The following TENM4 variants were observed in gnomAD, a reference collection of about 807,000 sequenced individuals.
TENM4 encodes teneurin transmembrane protein 4.
A neutral mutation model predicts 243.3 loss-of-function variants in TENM4; 82 were observed. That is an observed-to-expected ratio of 0.34 (90% CI 0.28 to 0.40). TENM4 has a LOEUF of 0.40. Among genes scored for constraint, TENM4 ranks in the 10% least tolerant of loss-of-function variants. The pLI is 1.00. For synonymous variants in TENM4, 1,412 were observed against 1,456.3 expected, an observed-to-expected ratio of 0.97 and a Z score of 0.69; for missense variants, 3,138 against 3,673.3, an observed-to-expected ratio of 0.85 and a Z score of 3.77.
chr11:79,187,592 T>C (rs1263822340), intron 3 of TENM4, among the ~76,000 whole-genome samples: 2 of 152,180 alleles, frequency 1.3e-5, no homozygotes, highest in African/African-American at 2.4e-5. Flanking sequence ...TTTTACTCAA[T>C]TTGTTATGAG....
At chr11:79,379,161 A>G (rs932219455) in intron 1 of TENM4, among the ~76,000 whole-genome samples, 4 of 152,180 alleles carry the variant, frequency 2.6e-5, no homozygotes, top group African/African-American at 9.7e-5. Context: ...GTAGCAGCAT[A>G]TGCAAGGCCA....
At chr11:78,914,124 C>G (rs1591125013) in intron 6 of TENM4, among the ~76,000 whole-genome samples, 1 of 152,312 alleles carries the variant, frequency 6.6e-6, no homozygotes, top group Non-Finnish European at 1.5e-5. Flanking sequence ...AAGAACTATT[C>G]CCAGCCTTGC....
At chr11:79,077,008 G>A (rs1337067370) in intron 4 of TENM4, among the ~76,000 whole-genome samples, 1 of 152,158 alleles carries the variant, frequency 6.6e-6, no homozygotes, top group Non-Finnish European at 1.5e-5. Context: ...TGAAGAAAAT[G>A]TTTGAACCTC....
chr11:79,100,539 C>T (rs1442732107), intron 4 of TENM4, among the ~76,000 whole-genome samples: 2 of 152,138 alleles, frequency 1.3e-5, no homozygotes, highest in Non-Finnish European at 2.9e-5. Flanking sequence ...GGCCTGCCCT[C>T]GATGGTAAAT....
intron 6 of TENM4, among the ~76,000 whole-genome samples, chr11:79,049,691 A>G (rs1283676503): frequency 2.0e-5 from 3 of 152,166 alleles, no homozygotes; most frequent in African/African-American, 7.2e-5. Context: ...TATGTTAAAC[A>G]CCTTATTTCC....
intron 7 of TENM4, among the ~76,000 whole-genome samples, chr11:78,893,937 C>A (rs1855730602): frequency 6.6e-6 from 1 of 152,096 alleles, no homozygotes; most frequent in Non-Finnish European, 1.5e-5. Context: ...TGTGCTTTTT[C>A]CTAATGCATT....
intron 1 of TENM4, among the ~76,000 whole-genome samples, chr11:79,392,373 G>A (rs1035637786): frequency 5.3e-5 from 8 of 152,352 alleles, no homozygotes; most frequent in African/African-American, 1.7e-4. Flanking sequence ...TAGGAGATAC[G>A]CACGTTGTGA....
At chr11:79,367,507 C>T (rs1015473102) in intron 1 of TENM4, among the ~76,000 whole-genome samples, 1 of 152,178 alleles carries the variant, frequency 6.6e-6, no homozygotes, top group African/African-American at 2.4e-5. Context: ...ATCACACCTT[C>T]TCTGATGCAC....
At chr11:78,662,524 T>C (rs1858056564) in intron 32 of TENM4, among the ~76,000 whole-genome samples, 2 of 152,078 alleles carry the variant, frequency 1.3e-5, no homozygotes, top group African/African-American at 4.8e-5. Flanking sequence ...GGCTTGGGGA[T>C]CAAGTCCCAT....
chr11:78,763,904 A>T (rs1856485769), intron 18 of TENM4, among the ~76,000 whole-genome samples: 1 of 97,124 alleles, frequency 1.0e-5, no homozygotes, highest in Admixed American at 9.3e-5. Context: ...CTCCCTCTGG[A>T]GACAGGGGCT....
rs533180679 is a variant in TENM4, at chr11:78,973,519, T to C, written c.494-69996A>G. Among the ~76,000 whole-genome samples, 8 of 152,284 alleles carry C rather than the reference T, an allele frequency of 5.3e-5. No homozygotes were observed. The South Asian group carries it at 1.7e-3, about 32-fold the overall frequency. ...CAGATCCATTGCCCAATTTTTAACT[T>C]GATTTATCTTTTTATTACTAAAGTG... On this transcript the variant is annotated intron_variant, in intron 6 of 33. Coordinates refer to ENST00000278550, the MANE Select transcript of TENM4 (RefSeq NM_001098816.3).
chr11:78,949,684 GGGTGAATTCT>G (rs1260730820), intron 6 of TENM4, among the ~76,000 whole-genome samples: 2 of 152,200 alleles, frequency 1.3e-5, no homozygotes, highest in East Asian at 3.8e-4. Flanking sequence ...AGTAGGGAAA[GGGTGAATTCT>G]GGTAGGCCAT....
At chr11:79,027,739 A>G (rs1008930204) in intron 6 of TENM4, among the ~76,000 whole-genome samples, 2 of 152,128 alleles carry the variant, frequency 1.3e-5, no homozygotes, top group African/African-American at 4.8e-5. Context: ...TAGGAGACAT[A>G]TTTCATTCAG....
intron 10 of TENM4, among the ~76,000 whole-genome samples, chr11:78,861,256 T>C (rs574907020): frequency 2.6e-5 from 4 of 152,352 alleles, no homozygotes; most frequent in African/African-American, 9.6e-5. Context: ...ATGATTCTAT[T>C]GCTATTTTCA....
intron 18 of TENM4, among the ~76,000 whole-genome samples, chr11:78,760,485 C>T (rs1325882415): frequency 2.0e-5 from 3 of 152,220 alleles, no homozygotes; most frequent in African/African-American, 7.2e-5. Context: ...CAATCTGTCT[C>T]TACAGCCAAG....
In TENM4 at chr11:79,061,769, T is replaced by C. The variant is rs147732584; in HGVS notation, c.493+2969A>G. Reference sequence around the variant, plus strand: ...TGTAAGAGTAAAGATTTTAGAGTCATGTAGGCTTGAGTTCCAATCTCATTT... The same window carrying C: ...TGTAAGAGTAAAGATTTTAGAGTCACGTAGGCTTGAGTTCCAATCTCATTT... On this transcript the variant is annotated intron_variant, in intron 6 of 33. Transcript: ENST00000278550. Among the ~76,000 whole-genome samples, 390 of 152,298 alleles carry C rather than the reference T, an allele frequency of 2.6e-3. 2 individuals carry two copies. The highest frequency in any genetic ancestry group is 9.0e-3 in the African/African-American group (376 of 41,562).
chr11:78,761,059 C>T (rs1170062557), intron 18 of TENM4, among the ~76,000 whole-genome samples: 1 of 151,730 alleles, frequency 6.6e-6, no homozygotes, highest in Non-Finnish European at 1.5e-5. Flanking sequence ...CATTTTATAG[C>T]CTTTTTCAGA....
Position 79,236,903 on chromosome 11 carries a change from G to A in TENM4, c.-264-20994C>T, listed in dbSNP as rs116711745. Among the ~76,000 whole-genome samples, 341 of 152,206 alleles carry A rather than the reference G, an allele frequency of 2.2e-3. 2 individuals are homozygous for A. The highest frequency in any genetic ancestry group is 8.0e-3 in the African/African-American group (333 of 41,538). On this transcript the variant is annotated intron_variant, in intron 2 of 33. Transcript: ENST00000278550. ...GTTTGTTTATCTGGACAGCTGTGGCGTAGGCTCTGCTGTCTGGTTCCCGGA... is the reference window on the plus strand; with the variant it reads ...GTTTGTTTATCTGGACAGCTGTGGCATAGGCTCTGCTGTCTGGTTCCCGGA...
chr11:79,213,793 T>C (rs900693108), intron 3 of TENM4, among the ~76,000 whole-genome samples: 1 of 152,052 alleles, frequency 6.6e-6, no homozygotes, highest in African/African-American at 2.4e-5. Flanking sequence ...CTATTACAAG[T>C]GAGTATGGTG....
Sources: allele counts gnomAD v4.1 joint callset (sites outside exome capture counted in the v4.1 genomes callset), GRCh38; gene constraint gnomAD v4.1.1; transcripts MANE v1.5; gene names NCBI Gene and HGNC (gene_info 2026-07-23, HGNC 2026-07-21).